Variants in BAZ2B observed in about 807,000 individuals in gnomAD.
BAZ2B encodes the protein bromodomain adjacent to zinc finger domain protein 2B.
In BAZ2B, 91 loss-of-function variants were observed where a neutral mutation model predicts 246.0. That is an observed-to-expected ratio of 0.37 (90% CI 0.31 to 0.44). The LOEUF is 0.44. Among genes scored for constraint, BAZ2B ranks in the 20% least tolerant of loss-of-function variants. The pLI is 1.00. For synonymous variants in BAZ2B, 855 were observed against 860.0 expected (o/e 0.99, Z 0.10); for missense variants, 2,332 against 2,533.7 (o/e 0.92, Z 1.71).
intron 2 of BAZ2B, among the ~76,000 whole-genome samples, chr2:159,500,416 T>C: frequency 6.6e-6 from 1 of 152,228 alleles, no homozygotes; most frequent in East Asian, 1.9e-4. Flanking sequence ...TTTTGGTTAC[T>C]GTAGCCTTGT....
the BAZ2B span, among the ~76,000 whole-genome samples, chr2:159,632,876 A>G: frequency 2.0e-5 from 3 of 152,178 alleles, no homozygotes; most frequent in African/African-American, 7.2e-5. Flanking sequence ...TGTTCCTCTT[A>G]CTCGTTTAAA....
intron 25 of BAZ2B, 46 bp downstream of exon 25, chr2:159,382,513 T>C (rs930123689): frequency 7.3e-6 from 11 of 1,510,620 alleles, no homozygotes; most frequent in African/African-American, 2.8e-5. Context: ...TTTAAAAATA[T>C]GTTATGCAGT....
chr2:159,412,337 T>G lies in BAZ2B; in HGVS notation c.2675A>C (p.Gln892Pro). ...DAKLLRKLQA[Q>P]EIARQAAQIK... ...GTCAGACACATTATGTTTCTTACCT[T>G]GAGCTTGCAGTTTTCTTAGCAACTT... The change falls in exon 14 of 37, where the codon CAA becomes CCA. Residue 892 changes from glutamine (Q) to proline (P), a missense_variant and splice_region_variant. Around this residue, in one of 9 missense-constraint regions of BAZ2B, gnomAD observed 651 missense variants for 650.9 expected, o/e 1.00. Transcript: ENST00000392783. 1.2e-6 allele frequency: 2 copies of G among 1,613,986 alleles called. No individual in the cohort carries two copies. Among genetic ancestry groups the G allele is most frequent in the Non-Finnish European group, 8.5e-7 (1 of 1,179,846 alleles).
rs2088100086 is a variant in BAZ2B, at chr2:159,550,979, G to A, written c.-3+4844C>T. Among the ~76,000 whole-genome samples, 3 of 152,030 alleles carry A rather than the reference G, an allele frequency of 2.0e-5. No homozygotes were observed. The South Asian group carries it at 6.2e-4, about 32-fold the overall frequency. Reference sequence around the variant, plus strand: ...GCTTCCCGAGTAGCTGGGACTACAGGCTTGAGCCACCATGCCTAGCTGATT... The same window carrying A: ...GCTTCCCGAGTAGCTGGGACTACAGACTTGAGCCACCATGCCTAGCTGATT... On this transcript the variant is annotated intron_variant, in intron 2 of 36. Coordinates refer to ENST00000392783, the MANE Select transcript of BAZ2B (RefSeq NM_013450.4).
chr2:159,432,168 ATTT>A (rs2071251622), intron 9 of BAZ2B, among the ~76,000 whole-genome samples: 1 of 152,138 alleles, frequency 6.6e-6, no homozygotes, highest in Admixed American at 6.6e-5. Context: ...TGTATTCGCA[ATTT>A]AAGCTCTCTT....
chr2:159,354,259 T>G (rs555072551), intron 27 of BAZ2B, among the ~76,000 whole-genome samples: 1 of 152,322 alleles, frequency 6.6e-6, no homozygotes, highest in South Asian at 2.1e-4. Context: ...TTGTATCTAA[T>G]ATTGAGCTGA....
the BAZ2B span, among the ~76,000 whole-genome samples, chr2:159,707,550 G>T: frequency 6.6e-6 from 1 of 152,076 alleles, no homozygotes; most frequent in African/African-American, 2.4e-5. Context: ...AATTGGGGCT[G>T]GGCGTGGTGG....
At chr2:159,633,717 C>A in the BAZ2B span, among the ~76,000 whole-genome samples, 1 of 150,192 alleles carries the variant, frequency 6.7e-6, no homozygotes, top group Non-Finnish European at 1.5e-5. Flanking sequence ...ATATTCACTG[C>A]CCATTTATTT....
chr2:159,574,142 TACACACACACACAC>T (rs70997110), intron 1 of BAZ2B, among the ~76,000 whole-genome samples: 6 of 145,070 alleles, frequency 4.1e-5, no homozygotes, highest in Admixed American at 2.1e-4. Context: ...CACACACACA[TACACACACACACAC>T]ACACACACAC....
At chr2:159,403,671 A>C (rs1158801409) in intron 16 of BAZ2B, among the ~76,000 whole-genome samples, 2 of 152,200 alleles carry the variant, frequency 1.3e-5, no homozygotes, top group African/African-American at 4.8e-5. Context: ...GATGGAATTC[A>C]AGTTGACAAC....
intron 1 of BAZ2B, among the ~76,000 whole-genome samples, chr2:159,586,138 G>A (rs1000884185): frequency 5.9e-5 from 9 of 152,022 alleles, no homozygotes; most frequent in Non-Finnish European, 1.0e-4. Flanking sequence ...AAAATTTCAC[G>A]TTAAACCTAA....
At chr2:159,345,879 G>T (rs2067693170) in intron 31 of BAZ2B, among the ~76,000 whole-genome samples, 1 of 152,200 alleles carries the variant, frequency 6.6e-6, no homozygotes, top group Non-Finnish European at 1.5e-5. Flanking sequence ...ATTATTGTCT[G>T]ATAATTGATC....
At chr2:159,390,256 G>A (rs1170576864) in intron 20 of BAZ2B, among the ~76,000 whole-genome samples, 1 of 151,878 alleles carries the variant, frequency 6.6e-6, no homozygotes, top group Non-Finnish European at 1.5e-5. Context: ...AAAGTCTTTT[G>A]ATTTTCTATC....
At chr2:159,611,379 G>C (rs1694689290) in intron 1 of BAZ2B, among the ~76,000 whole-genome samples, 1 of 151,776 alleles carries the variant, frequency 6.6e-6, no homozygotes, top group African/African-American at 2.4e-5. Flanking sequence ...CTTAAATATT[G>C]AGTCATAGTC....
intron 3 of BAZ2B, among the ~76,000 whole-genome samples, chr2:159,455,759 TGTG>T (rs1335143720): frequency 1.5e-5 from 2 of 131,402 alleles, no homozygotes; most frequent in Admixed American, 7.9e-5. Flanking sequence ...CCAGAAATAT[TGTG>T]GTTTTTTTTT....
chr2:159,706,473 G>T, the BAZ2B span, among the ~76,000 whole-genome samples: 1 of 152,212 alleles, frequency 6.6e-6, no homozygotes, highest in Admixed American at 6.5e-5. Flanking sequence ...AATGGTCATG[G>T]AGGCCAAGCA....
At chr2:159,622,286 CAAA>C in the BAZ2B span, among the ~76,000 whole-genome samples, 8,897 of 113,490 alleles carry the variant, frequency 0.078, 566 homozygotes, top group Middle Eastern at 0.18. Context: ...AAAAAAAAGG[CAAA>C]AACCAAAGTG....
At chr2:159,620,096 G>A (rs1342603975), upstream of BAZ2B, among the ~76,000 whole-genome samples, 2 of 152,098 alleles carry the variant, frequency 1.3e-5, no homozygotes, top group Non-Finnish European at 2.9e-5. Flanking sequence ...CTGTTTTTAC[G>A]ACAAAGACAG....
At chr2:159,679,043 C>T in the BAZ2B span, among the ~76,000 whole-genome samples, 8 of 152,150 alleles carry the variant, frequency 5.3e-5, no homozygotes, top group East Asian at 3.9e-4. Context: ...GAGGCCGAGG[C>T]GGGCGGATCA....
Sources: gnomAD v4.1 joint callset for allele counts (sites outside exome capture counted in the v4.1 genomes callset) on GRCh38, gnomAD v4.1.1 for gene constraint, gnomAD v4.1.1 regional missense constraint, MANE v1.5 for transcripts, NCBI Gene and HGNC (gene_info 2026-07-23, HGNC 2026-07-21) for gene names.